Variants in LMF1 observed in about 807,000 individuals in gnomAD.
LMF1 encodes the protein lipase maturation factor 1.
In LMF1, 68 loss-of-function variants were observed where a neutral mutation model predicts 60.6. The observed-to-expected ratio is 1.12, with a 90% CI of 0.92 to 1.37. The LOEUF (loss-of-function observed/expected upper bound fraction) is 1.37. Among genes scored for constraint, LMF1 ranks in the 40% most tolerant of loss-of-function variants. The pLI, the probability that LMF1 is intolerant of heterozygous loss-of-function variation, is 0.00. For synonymous variants in LMF1, 418 were observed against 324.7 expected, an observed-to-expected ratio of 1.29 and a Z score of -3.09; for missense variants, 948 against 767.2, an observed-to-expected ratio of 1.24 and a Z score of -2.78.
At position 854,275 on chromosome 16, in the gene LMF1, A is replaced by T. The variant is rs2069126230; in HGVS notation, c.*257T>A. 1.5e-6 allele frequency: 1 copy of T among 666,520 alleles called. No homozygotes were observed. Among genetic ancestry groups the T allele is most frequent in the African/African-American group, 1.8e-5 (1 of 56,522 alleles). 41.3% of individuals were successfully genotyped at this position (666,520 alleles called of 1,614,324 possible). ...GCTGGGCCTCTGGGAGGAGGGTGGG[A>T]TGGATGGGAGATCAGAGCCCCTGGC... On this transcript the variant is annotated 3_prime_UTR_variant, in exon 11 of 11. Transcript: ENST00000262301.
rs1334535192 is a variant in LMF1 at position 857,463 on chromosome 16, C to T, written c.1530-2757G>A. On this transcript the variant is annotated intron_variant, in intron 10 of 10. Transcript: ENST00000262301. ...CACGGGACGGGTGTGAGTGGTGTCT[C>T]GGGACGGGTGTGAGTGGTGTCACCG... is the stretch of plus-strand genomic sequence containing the variant. 1.6e-4 allele frequency among the ~76,000 whole-genome samples: 20 copies of T among 122,432 alleles called. 1 individual carries two copies. Among genetic ancestry groups the T allele is most frequent in the African/African-American group, 6.0e-4 (19 of 31,542 alleles). 80.3% of individuals were successfully genotyped at this position (122,432 alleles called of 152,430 possible). A position where few individuals can be genotyped will look rare whatever the true frequency, so the allele number is the denominator to read the frequency against.
intron 10 of LMF1, among the ~76,000 whole-genome samples, chr16:865,503 CCATACTCGCT>C (rs1330664749): frequency 5.9e-5 from 9 of 152,166 alleles, no homozygotes; most frequent in Non-Finnish European, 1.2e-4. Flanking sequence ...GCGTGTGGCA[CCATACTCGCT>C]CATTTTTTAT....
At chr16:857,485 ACCGGACGGGTGTGAGTGGTGTCT>A (rs1567132307) in intron 10 of LMF1, among the ~76,000 whole-genome samples, 43 of 37,928 alleles carry the variant, frequency 1.1e-3, no homozygotes, top group African/African-American at 1.5e-3. Context: ...GAGTGGTGTC[ACCGGACGGGTGTGAGTGGTGTCT>A]CGGGACGGGT....
At position 878,431 on chromosome 16, in the gene LMF1, C is replaced by A. The variant is rs527419076; in HGVS notation, c.897+1139G>T. On this transcript the variant is annotated intron_variant, in intron 6 of 10. Transcript: ENST00000262301. This position sits in a 1 kb window ranked among gnomAD's most constrained non-coding sequence, Gnocchi z 5.2. ...GGAGGGGTCAAGAACAGCACAGCCA[C>A]CCTGGACACGTGCAGCTTCCAGTAA... Among the ~76,000 whole-genome samples, 26 of 152,244 alleles carry A rather than the reference C, an allele frequency of 1.7e-4. No individual in the cohort carries two copies. Among genetic ancestry groups the A allele is most frequent in the Non-Finnish European group, 3.4e-4 (23 of 68,018 alleles).
chr16:934,275 C>A (rs760611159), intron 2 of LMF1, 21 bp from the exon 3 acceptor site: 29 of 1,599,050 alleles, frequency 1.8e-5, no homozygotes, highest in Non-Finnish European at 2.4e-5. Flanking sequence ...AAAGAAGAAA[C>A]GAGTATTAAC....
chr16:946,984 ACT>A (rs1298557806), intron 2 of LMF1, among the ~76,000 whole-genome samples: 5 of 152,190 alleles, frequency 3.3e-5, no homozygotes, highest in African/African-American at 1.2e-4. Flanking sequence ...CAGGAAGGTA[ACT>A]CTGTTGTTTC....
Position 869,060 on chromosome 16 carries a change from G to T in LMF1, c.1417-4C>A. 1.2e-6 allele frequency: 2 copies of T among 1,603,076 alleles called. No homozygotes were observed. ...TCCAGTCGTTGTGCTCGTAGGTCTG[G>T]GAGGAGAGGTCGGGCTGGAGACGGC... On this transcript the variant is annotated splice_region_variant and splice_polypyrimidine_tract_variant and intron_variant, in intron 9 of 10. Coordinates refer to ENST00000262301, the MANE Select transcript of LMF1 (RefSeq NM_022773.4).
intron 4 of LMF1, among the ~76,000 whole-genome samples, chr16:895,764 C>A (rs1243361313): frequency 1.3e-5 from 2 of 152,224 alleles, no homozygotes; most frequent in African/African-American, 4.8e-5. Flanking sequence ...TACAGGAACA[C>A]CAAGCAACAG....
chr16:914,642 T>C (rs2071224976), intron 3 of LMF1, among the ~76,000 whole-genome samples: 2 of 151,912 alleles, frequency 1.3e-5, no homozygotes, highest in Non-Finnish European at 2.9e-5. Context: ...ACACACTCCC[T>C]CCCTCCTCAT....
At chr16:980,022 G>T in intron 1 of LMF1, 1 of 331,790 alleles carries the variant, frequency 3.0e-6, no homozygotes. Flanking sequence ...GAGATGGTGG[G>T]ACGGGGAAGA....
intron 1 of LMF1, chr16:976,936 G>C (rs2073164522): frequency 2.2e-6 from 1 of 454,016 alleles, no homozygotes; most frequent in Admixed American, 2.3e-5. Flanking sequence ...CAGTGTGTCA[G>C]GGGAGTGCGA....
chr16:913,015 C>A (rs568128679), intron 3 of LMF1, among the ~76,000 whole-genome samples: 10 of 152,318 alleles, frequency 6.6e-5, no homozygotes, highest in African/African-American at 2.4e-4. Flanking sequence ...GGCGGCAACA[C>A]GCAGGGCCAC....
At chr16:860,287 T>C (rs748863010) in intron 10 of LMF1, among the ~76,000 whole-genome samples, 2 of 152,154 alleles carry the variant, frequency 1.3e-5, no homozygotes, top group Non-Finnish European at 2.9e-5. Context: ...CATCTTTAAG[T>C]ATAATGACTC....
At chr16:906,954 C>G (rs1395495609) in intron 4 of LMF1, among the ~76,000 whole-genome samples, 2 of 152,206 alleles carry the variant, frequency 1.3e-5, no homozygotes, top group African/African-American at 4.8e-5. Flanking sequence ...TCTCCATTTA[C>G]TGAAGTGTTC....
intron 4 of LMF1, among the ~76,000 whole-genome samples, chr16:907,736 G>C (rs961511147): frequency 3.3e-5 from 5 of 152,182 alleles, no homozygotes; most frequent in Admixed American, 6.5e-5. Context: ...TGGTTCATCA[G>C]CAGGTGGACA....
chr16:979,081 G>A, intron 1 of LMF1: 1 of 453,976 alleles, frequency 2.2e-6, no homozygotes, highest in Non-Finnish European at 4.4e-6. Context: ...CTGTGAGGGT[G>A]GCCCGGCTCC....
At chr16:946,892 T>C (rs2072250694) in intron 2 of LMF1, among the ~76,000 whole-genome samples, 2 of 152,104 alleles carry the variant, frequency 1.3e-5, no homozygotes, top group Non-Finnish European at 2.9e-5. Flanking sequence ...CCGATGACAG[T>C]TGCACCAGCA....
At chr16:888,752 T>C (rs1009909657) in intron 5 of LMF1, among the ~76,000 whole-genome samples, 2 of 151,834 alleles carry the variant, frequency 1.3e-5, no homozygotes, top group African/African-American at 2.4e-5. Context: ...GGGTCCTAGG[T>C]ACAGGGGGCA....
chr16:931,920 T>A, intron 3 of LMF1: 1 of 766,546 alleles, frequency 1.3e-6, no homozygotes, highest in Non-Finnish European at 1.9e-6. Flanking sequence ...AAGAATCAGT[T>A]AGAATGTATG....
Sources: gnomAD v4.1 joint callset for allele counts (sites outside exome capture counted in the v4.1 genomes callset) on GRCh38, gnomAD v4.1.1 for gene constraint, Gnocchi (gnomAD v3.1) non-coding constraint, MANE v1.5 for transcripts, NCBI Gene and HGNC (gene_info 2026-07-23, HGNC 2026-07-21) for gene names.